Variants in PDE1A observed in about 807,000 individuals in gnomAD.
PDE1A encodes the protein phosphodiesterase 1A, also known as dual specificity calcium/calmodulin-dependent 3',5'-cyclic nucleotide phosphodiesterase 1A.
Under a neutral mutation model 61.7 loss-of-function variants are expected in PDE1A, and 35 were observed. The observed-to-expected ratio is 0.57, with a 90% CI of 0.43 to 0.75. The LOEUF (loss-of-function observed/expected upper bound fraction) is 0.75. Ranked by LOEUF, PDE1A falls within the 30% of genes least tolerant of loss-of-function variation. The pLI, the probability that PDE1A is intolerant of heterozygous loss-of-function variation, is 0.00. For missense variants in PDE1A, 597 were observed against 630.6 expected (o/e 0.95, Z 0.57); for synonymous variants, 232 against 213.2 (o/e 1.09, Z -0.77).
chr2:182,558,366 T>G, the PDE1A span, among the ~76,000 whole-genome samples: 1 of 152,144 alleles, frequency 6.6e-6, no homozygotes, highest in Non-Finnish European at 1.5e-5. Context: ...TTCCCAAATT[T>G]ATGTAATATT....
chr2:182,300,129 C>A (rs1284436141), intron 1 of PDE1A, among the ~76,000 whole-genome samples: 2 of 152,188 alleles, frequency 1.3e-5, no homozygotes. Context: ...AAACATGACC[C>A]TTAACATGGC....
At chr2:182,305,740 AT>A (rs1695540837) in intron 1 of PDE1A, among the ~76,000 whole-genome samples, 1 of 152,050 alleles carries the variant, frequency 6.6e-6, no homozygotes, top group Non-Finnish European at 1.5e-5. Context: ...GTAGATAATT[AT>A]TTTTATTATA....
chr2:182,401,832 A>C (rs1280623567), intron 1 of PDE1A, among the ~76,000 whole-genome samples: 1 of 152,154 alleles, frequency 6.6e-6, no homozygotes, highest in Non-Finnish European at 1.5e-5. Context: ...GCAGTCTCAG[A>C]ATACAAAATC....
upstream of PDE1A, among the ~76,000 whole-genome samples, chr2:182,524,284 G>C (rs746614980): frequency 6.6e-6 from 1 of 152,130 alleles, no homozygotes; most frequent in Non-Finnish European, 1.5e-5. Context: ...TAGATAGCAA[G>C]TACTCTATAA....
At chr2:182,468,707 A>G (rs2125796271) in intron 2 of PDE1A, among the ~76,000 whole-genome samples, 1 of 152,122 alleles carries the variant, frequency 6.6e-6, no homozygotes, top group South Asian at 2.1e-4. Context: ...CCATCAGAAG[A>G]ATCACTATCT....
the PDE1A span, among the ~76,000 whole-genome samples, chr2:182,701,751 C>A: frequency 6.6e-6 from 1 of 152,090 alleles, no homozygotes; most frequent in Admixed American, 6.5e-5. Flanking sequence ...TCACTATCAC[C>A]CTCTTGTGAT....
intron 2 of PDE1A, among the ~76,000 whole-genome samples, chr2:182,246,401 CTTTCTTTTTT>C (rs1303621054): frequency 1.1e-3 from 68 of 61,494 alleles, no homozygotes; most frequent in African/African-American, 3.6e-3. Flanking sequence ...TTTCTTTTTT[CTTTCTTTTTT>C]TTTTTTTTTT....
chr2:182,153,764 T>C (rs1235267226), intron 13 of PDE1A, among the ~76,000 whole-genome samples: 3 of 152,034 alleles, frequency 2.0e-5, no homozygotes, highest in African/African-American at 4.8e-5. Context: ...TAGAGGCAAG[T>C]TGATGTGAAA....
chr2:182,670,977 C>G, the PDE1A span, among the ~76,000 whole-genome samples: 1 of 151,884 alleles, frequency 6.6e-6, no homozygotes, highest in East Asian at 1.9e-4. Context: ...ACCACCAAGC[C>G]TAGCTAATTT....
chr2:182,371,147 A>G (rs1273862986), intron 1 of PDE1A, among the ~76,000 whole-genome samples: 1 of 152,230 alleles, frequency 6.6e-6, no homozygotes, highest in Non-Finnish European at 1.5e-5. Flanking sequence ...TTTGAAAAAT[A>G]TTAGAACAAC....
At chr2:182,430,970 G>A (rs150378578), upstream of PDE1A, among the ~76,000 whole-genome samples, 3 of 124,516 alleles carry the variant, frequency 2.4e-5, no homozygotes, top group Admixed American at 8.4e-5. Flanking sequence ...GGTCGGGGAG[G>A]GGGGAGGGAT....
At chr2:182,553,803 C>A in the PDE1A span, among the ~76,000 whole-genome samples, 25 of 152,184 alleles carry the variant, frequency 1.6e-4, no homozygotes, top group Non-Finnish European at 3.2e-4. Context: ...TACAAATGCA[C>A]ACACAGAAGT....
At chr2:182,622,344 T>A in the PDE1A span, among the ~76,000 whole-genome samples, 2 of 152,216 alleles carry the variant, frequency 1.3e-5, no homozygotes, top group African/African-American at 4.8e-5. Flanking sequence ...TAAAAACTAC[T>A]CAAGGTAATT....
the PDE1A span, among the ~76,000 whole-genome samples, chr2:182,638,114 T>C: frequency 6.6e-6 from 1 of 152,214 alleles, no homozygotes; most frequent in East Asian, 1.9e-4. Context: ...ATTGTACAAA[T>C]ATTAATTTCC....
chr2:182,262,354 C>T (rs1361271267), intron 2 of PDE1A, among the ~76,000 whole-genome samples: 2 of 152,096 alleles, frequency 1.3e-5, no homozygotes, highest in South Asian at 2.1e-4. Flanking sequence ...CAACCTCGGC[C>T]TCCCTGGCTC....
intron 2 of PDE1A, among the ~76,000 whole-genome samples, chr2:182,445,977 G>A (rs934778311): frequency 7.2e-5 from 11 of 152,148 alleles, no homozygotes; most frequent in South Asian, 4.1e-4. Context: ...GTAACATGCT[G>A]AGCCATGAAT....
the PDE1A span, among the ~76,000 whole-genome samples, chr2:182,571,087 A>G: frequency 2.0e-5 from 3 of 152,228 alleles, no homozygotes; most frequent in Admixed American, 1.3e-4. Flanking sequence ...TTAAATACTC[A>G]TATGAAGATT....
intron 13 of PDE1A, among the ~76,000 whole-genome samples, chr2:182,169,329 A>G (rs1691911954): frequency 6.6e-6 from 1 of 152,124 alleles, no homozygotes; most frequent in African/African-American, 2.4e-5. Context: ...TGAAAGTTAT[A>G]CCATAAGAAT....
At position 182,149,000 on chromosome 2, in the gene PDE1A, C is replaced by T. The variant is rs192829011; in HGVS notation, c.1517-1848G>A. 6.9e-4 allele frequency among the ~76,000 whole-genome samples: 105 copies of T among 151,800 alleles called. 1 individual carries two copies. Among genetic ancestry groups the T allele is most frequent in the African/African-American group, 2.2e-3 (90 of 41,402 alleles). ...ATGCATCTTATTACTGAGTTTTGAA[C>T]CTTCTTTGAAATTCTTGTCTCAAAA... On this transcript the variant is annotated intron_variant, in intron 13 of 13. Coordinates refer to the PDE1A transcript ENST00000409365.
Sources: allele counts gnomAD v4.1 joint callset (sites outside exome capture counted in the v4.1 genomes callset), GRCh38; gene constraint gnomAD v4.1.1; transcripts MANE v1.5; gene names NCBI Gene and HGNC (gene_info 2026-07-23, HGNC 2026-07-21).